The following ALPK1 variants were observed in gnomAD, a reference collection of about 807,000 sequenced individuals.
ALPK1 encodes the protein alpha-protein kinase 1.
Under a neutral mutation model 120.6 loss-of-function variants are expected in ALPK1, and 110 were observed. The ratio of observed to expected loss-of-function variants is 0.91; its 90% CI spans 0.78 to 1.07. The LOEUF (loss-of-function observed/expected upper bound fraction) is 1.07, where lower values mean the gene tolerates loss of function less well. Ranked by LOEUF, ALPK1 falls within the 50% of genes least tolerant of loss-of-function variation. ALPK1 has a pLI of 0.00. For synonymous variants in ALPK1, 582 were observed against 560.3 expected (o/e 1.04, Z -0.55); for missense variants, 1,498 against 1,483.9 (o/e 1.01, Z -0.16).
chr4:112,393,462 A>C (rs1732515678), intron 4 of ALPK1, among the ~76,000 whole-genome samples: 1 of 152,238 alleles, frequency 6.6e-6, no homozygotes, highest in African/African-American at 2.4e-5. Flanking sequence ...CTAATCCTCA[A>C]CAAGAAAATC....
chr4:112,302,740 A>G (rs1251393716), intron 1 of ALPK1, among the ~76,000 whole-genome samples: 1 of 151,308 alleles, frequency 6.6e-6, no homozygotes, highest in Non-Finnish European at 1.5e-5. Context: ...AAGCAAGCAA[A>G]CAAACAAACA....
chr4:112,345,306 T>C (rs575184231), intron 2 of ALPK1, among the ~76,000 whole-genome samples: 7 of 152,336 alleles, frequency 4.6e-5, no homozygotes, highest in African/African-American at 1.7e-4. Context: ...CTGTGATTTC[T>C]AAGTACATAC....
Position 112,441,358 on chromosome 4 carries a change from C to T in ALPK1, c.*148C>T. 1 of 745,238 alleles carries T rather than the reference C, an allele frequency of 1.3e-6. No individual in the cohort carries two copies. The highest frequency in any genetic ancestry group is 1.5e-5 in the South Asian group (1 of 67,264). 46.2% of individuals were successfully genotyped at this position (745,238 alleles called of 1,614,324 possible). A position where few individuals can be genotyped will look rare whatever the true frequency, so the allele number is the denominator to read the frequency against. Reference sequence around the variant, plus strand: ...TCCTGCAGAGCCTCTTTCCCTCTGCCACAGTTATCAAGAATGGGTCAGGAG... The same window carrying T: ...TCCTGCAGAGCCTCTTTCCCTCTGCTACAGTTATCAAGAATGGGTCAGGAG... On this transcript the variant is annotated 3_prime_UTR_variant, in exon 16 of 16. Coordinates refer to ENST00000650871, the MANE Select transcript of ALPK1 (RefSeq NM_025144.4).
chr4:112,327,341 A>G (rs1004882105), intron 2 of ALPK1, among the ~76,000 whole-genome samples: 1 of 152,212 alleles, frequency 6.6e-6, no homozygotes, highest in Non-Finnish European at 1.5e-5. Flanking sequence ...AAACATATGT[A>G]AGTTGATAGC....
chr4:112,363,342 T>C (rs943943302), intron 2 of ALPK1, among the ~76,000 whole-genome samples: 3 of 151,636 alleles, frequency 2.0e-5, no homozygotes, highest in Non-Finnish European at 4.4e-5. Context: ...TCACATAAAC[T>C]TAAGGTAAAG....
chr4:112,301,244 T>G (rs2110517677), intron 1 of ALPK1, among the ~76,000 whole-genome samples: 1 of 152,238 alleles, frequency 6.6e-6, no homozygotes, highest in East Asian at 1.9e-4. Flanking sequence ...AGTGGTAACA[T>G]CTCTTTTGAT....
Position 112,430,357 on chromosome 4 carries a change from A to G in ALPK1, c.901-91A>G. On this transcript the variant is annotated intron_variant, in intron 10 of 15. Transcript: ENST00000650871. ...TGTGTTCATTTTTCTATAATATTTC[A>G]AATGACTGTCCTCCAGAAATGAAAA... The G allele has an allele frequency of 2.4e-6, 3 of 1,230,476 alleles. No individual in the cohort carries two copies. The South Asian group carries it at 4.6e-5, about 19-fold the overall frequency. 76.2% of individuals were successfully genotyped at this position (1,230,476 alleles called of 1,614,324 possible).
Position 112,377,747 on chromosome 4 carries a change from A to T in ALPK1, c.-31A>T, listed in dbSNP as rs1731730120. The T allele has an allele frequency of 6.3e-7, 1 of 1,593,690 alleles. No homozygotes were observed. Among genetic ancestry groups the T allele is most frequent in the Non-Finnish European group, 8.6e-7 (1 of 1,165,746 alleles). On this transcript the variant is annotated 5_prime_UTR_variant, in exon 3 of 16. Transcript: ENST00000650871. The stretch of plus-strand genomic sequence containing the variant: ...TCTCCTAGGTAATTGATCACCCTAG[A>T]CCCAGGGACACCCAATTCATCGTAA...
At chr4:112,350,193 C>G (rs1161352175) in intron 2 of ALPK1, among the ~76,000 whole-genome samples, 1 of 152,172 alleles carries the variant, frequency 6.6e-6, no homozygotes, top group African/African-American at 2.4e-5. Flanking sequence ...CAGATTGCTC[C>G]TTTGTGGGCT....
rs891385943 is a variant in ALPK1, at chr4:112,432,065, G to A, written c.2518G>A (p.Ala840Thr). 7.4e-6 allele frequency: 12 copies of A among 1,613,880 alleles called. No homozygotes were observed. The highest frequency in any genetic ancestry group is 4.4e-5 in the South Asian group (4 of 91,070). The change falls in exon 11 of 16, where the codon GCA becomes ACA. Residue 840 changes from alanine to threonine, a missense_variant. By Grantham distance (58) the Ala-to-Thr change is moderately conservative. Transcript: ENST00000650871. ...CTCCAGAAAAAGTGGTGGCCCAGTCGCAGAGCAGGGCATCGACCCTGATGC... is the reference window on the plus strand; with the variant it reads ...CTCCAGAAAAAGTGGTGGCCCAGTCACAGAGCAGGGCATCGACCCTGATGC... ...PDSRKSGGPV[A>T]EQGIDPDAST...
intron 10 of ALPK1, 32 bp downstream of exon 10, chr4:112,429,285 A>C: frequency 6.5e-7 from 1 of 1,541,228 alleles, no homozygotes; most frequent in Non-Finnish European, 8.9e-7. Context: ...TCAAACCCCC[A>C]CAGGACCTCT....
In ALPK1 at chr4:112,359,514, A is replaced by G. The variant is rs1049661585; in HGVS notation, c.-100-18164A>G. On this transcript the variant is annotated intron_variant, in intron 2 of 15. Transcript: ENST00000650871. ...CCTGGCCAGCCAGCCCAACCCAGGC[A>G]TGGAGCCGCCAGGACCCCAAGAGGA... The G allele has an allele frequency of 4.6e-5, 12 of 258,450 alleles. No homozygotes were observed. In the East Asian group the frequency reaches 1.0e-3, roughly 22 times the overall value. The allele number at this position is 258,450 out of a possible 1,614,324, so 16.0% of individuals were successfully genotyped here.
intron 4 of ALPK1, among the ~76,000 whole-genome samples, chr4:112,390,262 G>A (rs533871884): frequency 1.7e-4 from 26 of 152,158 alleles, no homozygotes; most frequent in African/African-American, 5.1e-4. Flanking sequence ...CTCCATTCCC[G>A]AGACATTCTT....
In ALPK1 at chr4:112,440,812, AGTGTGTGTGT is replaced by A. The variant is rs71595596; in HGVS notation, c.3539-82_3539-73del. ...GCCAAGTTTTTGAATTATCTCTTTA[AGTGTGTGTGT>A]GTGTGTGTGTGTGTGTGTGTGTATG... On this transcript the variant is annotated intron_variant, in intron 14 of 15. Transcript: ENST00000650871. 164 of 1,328,162 alleles carry A rather than the reference AGTGTGTGTGT, an allele frequency of 1.2e-4. 2 individuals are homozygous for A. In the South Asian group the frequency reaches 2.1e-3, roughly 17 times the overall value. 82.3% of individuals were successfully genotyped at this position (1,328,162 alleles called of 1,614,324 possible). A position where few individuals can be genotyped will look rare whatever the true frequency, so the allele number is the denominator to read the frequency against.
At chr4:112,375,769 A>C (rs1731630297) in intron 2 of ALPK1, among the ~76,000 whole-genome samples, 1 of 148,124 alleles carries the variant, frequency 6.8e-6, no homozygotes, top group South Asian at 2.1e-4. Context: ...TTTTGCATTC[A>C]CAACTTGGCT....
intron 1 of ALPK1, among the ~76,000 whole-genome samples, chr4:112,312,720 T>C (rs1030702981): frequency 8.5e-5 from 13 of 152,204 alleles, no homozygotes; most frequent in African/African-American, 1.4e-4. Flanking sequence ...CCAGGAGTTA[T>C]TTGTGAAAAA....
chr4:112,332,727 T>C (rs1345708167), intron 2 of ALPK1, among the ~76,000 whole-genome samples: 3 of 152,188 alleles, frequency 2.0e-5, no homozygotes, highest in African/African-American at 7.2e-5. Flanking sequence ...CACACTGAGA[T>C]AGATTTTGTC....
intron 2 of ALPK1, among the ~76,000 whole-genome samples, chr4:112,352,407 T>C (rs1315912365): frequency 6.6e-6 from 1 of 152,228 alleles, no homozygotes; most frequent in East Asian, 1.9e-4. Context: ...TATACAGTCA[T>C]CCTTTGGTAT....
At chr4:112,340,209 C>G (rs775313950) in intron 2 of ALPK1, among the ~76,000 whole-genome samples, 1 of 152,200 alleles carries the variant, frequency 6.6e-6, no homozygotes, top group Admixed American at 6.5e-5. Context: ...GAGGATTAGC[C>G]TTAGTGCGCT....
Sources: gnomAD v4.1 joint callset for allele counts (sites outside exome capture counted in the v4.1 genomes callset) on GRCh38, gnomAD v4.1.1 for gene constraint, MANE v1.5 for transcripts, NCBI Gene and HGNC (gene_info 2026-07-23, HGNC 2026-07-21) for gene names.